Variants in KCNIP4 observed in about 807,000 individuals in gnomAD.
KCNIP4 encodes the protein Kv channel-interacting protein 4.
A neutral mutation model predicts 34.0 loss-of-function variants in KCNIP4; 12 were observed. The observed-to-expected ratio is 0.35, with a 90% CI of 0.23 to 0.57. The LOEUF (loss-of-function observed/expected upper bound fraction) is 0.57, where lower values mean the gene tolerates loss of function less well. Ranked by LOEUF, KCNIP4 falls within the 20% of genes least tolerant of loss-of-function variation. The probability of loss-of-function intolerance (pLI) is 0.83; values close to 1 mark genes in which losing one functional copy is unlikely to be tolerated. For missense variants in KCNIP4, 238 were observed against 311.7 expected, an observed-to-expected ratio of 0.76 and a Z score of 1.78; for synonymous variants, 124 against 102.2, an observed-to-expected ratio of 1.21 and a Z score of -1.29.
chr4:21,057,294 T>C (rs1743495171), intron 1 of KCNIP4, among the ~76,000 whole-genome samples: 1 of 152,222 alleles, frequency 6.6e-6, no homozygotes, highest in African/African-American at 2.4e-5. Context: ...TGTAAACTTT[T>C]TTCAATTCAA....
chr4:21,593,384 G>A (rs942247187), intron 1 of KCNIP4, among the ~76,000 whole-genome samples: 1 of 152,092 alleles, frequency 6.6e-6, no homozygotes, highest in Admixed American at 6.6e-5. Context: ...CCTCCGAGTG[G>A]TTTTGTGGTC....
At chr4:21,134,885 G>A (rs910978225) in intron 1 of KCNIP4, among the ~76,000 whole-genome samples, 2 of 152,228 alleles carry the variant, frequency 1.3e-5, no homozygotes, top group African/African-American at 4.8e-5. Context: ...GCTAGGAAAT[G>A]AGGGCAGAAA....
chr4:20,988,256 C>T (rs1736774643), intron 1 of KCNIP4, among the ~76,000 whole-genome samples: 1 of 151,942 alleles, frequency 6.6e-6, no homozygotes, highest in Admixed American at 6.6e-5. Flanking sequence ...TAACTGGGGC[C>T]GTTTAACTGG....
At chr4:21,448,766 A>G (rs1728257402) in intron 1 of KCNIP4, among the ~76,000 whole-genome samples, 1 of 152,140 alleles carries the variant, frequency 6.6e-6, no homozygotes, top group African/African-American at 2.4e-5. Context: ...GGATCCACTC[A>G]ACTGTCTCAG....
chr4:20,799,803 C>T (rs898622370), intron 3 of KCNIP4, among the ~76,000 whole-genome samples: 1 of 152,198 alleles, frequency 6.6e-6, no homozygotes, highest in African/African-American at 2.4e-5. Flanking sequence ...TGAATTGTAG[C>T]TGTGCACTGT....
intron 1 of KCNIP4, among the ~76,000 whole-genome samples, chr4:21,538,844 A>T (rs1041083444): frequency 1.3e-5 from 2 of 152,218 alleles, no homozygotes; most frequent in African/African-American, 4.8e-5. Context: ...TGTTACATAC[A>T]TTGTAAAACA....
At chr4:20,781,534 G>A (rs1008971634) in intron 3 of KCNIP4, among the ~76,000 whole-genome samples, 10 of 152,192 alleles carry the variant, frequency 6.6e-5, no homozygotes, top group African/African-American at 2.4e-4. Flanking sequence ...GCAGGAGGCA[G>A]AAGGCACTTC....
chr4:21,033,886 G>T (rs951599292), intron 1 of KCNIP4, among the ~76,000 whole-genome samples: 1 of 152,156 alleles, frequency 6.6e-6, no homozygotes, highest in African/African-American at 2.4e-5. Flanking sequence ...GGAAGATATT[G>T]ACTTGTACTT....
In KCNIP4 at chr4:21,143,147, G is replaced by A. The variant is rs73805023; in HGVS notation, c.62-260438C>T. Among the ~76,000 whole-genome samples the A allele has an allele frequency of 4.7e-3, 712 of 152,282 alleles. 3 individuals are homozygous for A. The highest frequency in any genetic ancestry group is 0.015 in the African/African-American group (609 of 41,548). ...CTCCCTAGGAAGACATTTTGCAGAC[G>A]TGAAGTCCTAAGTCAGTTGACCCTA... On this transcript the variant is annotated intron_variant, in intron 1 of 8. Transcript: ENST00000382152.
chr4:20,864,172 A>G (rs1264580149), intron 2 of KCNIP4, among the ~76,000 whole-genome samples: 6 of 71,942 alleles, frequency 8.3e-5, no homozygotes, highest in African/African-American at 2.1e-4. Context: ...ATGTATGTAT[A>G]CACATGTATG....
At chr4:21,064,525 A>G (rs1193712004) in intron 1 of KCNIP4, among the ~76,000 whole-genome samples, 1 of 152,170 alleles carries the variant, frequency 6.6e-6, no homozygotes, top group African/African-American at 2.4e-5. Context: ...TGGTTTAGGT[A>G]AGTGGTTTAC....
chr4:21,468,906 C>T (rs1333251845), intron 1 of KCNIP4, among the ~76,000 whole-genome samples: 1 of 152,162 alleles, frequency 6.6e-6, no homozygotes, highest in African/African-American at 2.4e-5. Flanking sequence ...CATTGCTCAA[C>T]ATCATCTATT....
chr4:20,729,483 T>C lies in KCNIP4; in HGVS notation c.*599A>G, dbSNP rs1279451030. On this transcript the variant is annotated 3_prime_UTR_variant, in exon 9 of 9. Transcript: ENST00000382152. ...ATCTGATAATAAACTAATTTTTAAA[T>C]GTTTAATAATTTTTAAATGTTTAAA... 8.4e-6 allele frequency: 1 copy of C among 119,188 alleles called. No homozygotes were observed. The highest frequency in any genetic ancestry group is 1.8e-5 in the Non-Finnish European group (1 of 56,906). The allele number at this position is 119,188 out of a possible 1,614,324, so 7.4% of individuals were successfully genotyped here. A position where few individuals can be genotyped will look rare whatever the true frequency, so the allele number is the denominator to read the frequency against.
chr4:20,857,076 T>C (rs1176339595), intron 2 of KCNIP4, among the ~76,000 whole-genome samples: 1 of 150,736 alleles, frequency 6.6e-6, no homozygotes, highest in Admixed American at 6.6e-5. Context: ...TTGAAGTGTC[T>C]GCCTGTGGGC....
chr4:21,930,890 T>C (rs1483799156), intron 1 of KCNIP4, among the ~76,000 whole-genome samples: 2 of 152,154 alleles, frequency 1.3e-5, no homozygotes, highest in African/African-American at 4.8e-5. Flanking sequence ...AAGCAGGTGC[T>C]AGTCTTTTGT....
At chr4:21,266,381 A>G (rs1761809750) in intron 1 of KCNIP4, among the ~76,000 whole-genome samples, 1 of 149,600 alleles carries the variant, frequency 6.7e-6, no homozygotes, top group Non-Finnish European at 1.5e-5. Flanking sequence ...ATTATTCCTT[A>G]AAAACAAAAT....
At chr4:21,665,281 C>G (rs559699576) in intron 1 of KCNIP4, among the ~76,000 whole-genome samples, 15 of 152,210 alleles carry the variant, frequency 9.9e-5, no homozygotes, top group Admixed American at 8.5e-4. Context: ...CTGGGTAAAA[C>G]AGAGGAAGAT....
intron 1 of KCNIP4, among the ~76,000 whole-genome samples, chr4:20,999,861 G>A (rs1254847064): frequency 6.6e-6 from 1 of 152,150 alleles, no homozygotes; most frequent in Non-Finnish European, 1.5e-5. Flanking sequence ...CTAACAAAGT[G>A]TGCAAAGCTC....
At chr4:20,778,843 G>C (rs1333950840) in intron 3 of KCNIP4, among the ~76,000 whole-genome samples, 1 of 152,114 alleles carries the variant, frequency 6.6e-6, no homozygotes, top group East Asian at 1.9e-4. Flanking sequence ...AATGAGACTT[G>C]CCAATAGTTA....
Sources: gnomAD v4.1 joint callset for allele counts (sites outside exome capture counted in the v4.1 genomes callset) on GRCh38, gnomAD v4.1.1 for gene constraint, MANE v1.5 for transcripts, NCBI Gene and HGNC (gene_info 2026-07-23, HGNC 2026-07-21) for gene names.